The following DLC1 variants were observed in gnomAD, a reference collection of about 807,000 sequenced individuals.
DLC1 encodes DLC1 Rho GTPase activating protein.
A neutral mutation model predicts 140.3 loss-of-function variants in DLC1; 54 were observed. That is an observed-to-expected ratio of 0.38 (90% CI 0.31 to 0.48). The LOEUF (loss-of-function observed/expected upper bound fraction) is 0.48. Among genes scored for constraint, DLC1 ranks in the 20% least tolerant of loss-of-function variants. The probability of loss-of-function intolerance (pLI) is 0.96; values close to 1 mark genes in which losing one functional copy is unlikely to be tolerated. For missense variants in DLC1, 2,536 were observed against 1,907.0 expected (o/e 1.33, Z -6.14); for synonymous variants, 986 against 728.1 (o/e 1.35, Z -5.70).
intron 5 of DLC1, among the ~76,000 whole-genome samples, chr8:13,171,792 G>A (rs1195510009): frequency 6.6e-6 from 1 of 152,198 alleles, no homozygotes; most frequent in Non-Finnish European, 1.5e-5. Context: ...TATAGCTAGA[G>A]TACTTGGAGG....
chr8:13,361,249 C>A (rs373125648), intron 4 of DLC1, among the ~76,000 whole-genome samples: 17 of 151,944 alleles, frequency 1.1e-4, no homozygotes, highest in African/African-American at 4.1e-4. Context: ...CAATACAAAA[C>A]AAAACGAGAG....
intron 2 of DLC1, among the ~76,000 whole-genome samples, chr8:13,466,626 T>C (rs1799955909): frequency 6.6e-6 from 1 of 152,136 alleles, no homozygotes; most frequent in African/African-American, 2.4e-5. Flanking sequence ...ACAACCATCT[T>C]CCCTGGAGCC....
At chr8:13,355,163 T>C (rs1355559406) in intron 4 of DLC1, among the ~76,000 whole-genome samples, 1 of 126,878 alleles carries the variant, frequency 7.9e-6, no homozygotes, top group Non-Finnish European at 1.7e-5. Flanking sequence ...AAATTTTTAA[T>C]AGACTTTGTT....
At chr8:13,408,556 G>A (rs1837662100) in intron 2 of DLC1, among the ~76,000 whole-genome samples, 1 of 152,188 alleles carries the variant, frequency 6.6e-6, no homozygotes. Flanking sequence ...GAAGTGTTCA[G>A]AAGTGCAGGT....
intron 2 of DLC1, among the ~76,000 whole-genome samples, chr8:13,469,032 G>C (rs763092422): frequency 5.3e-5 from 8 of 151,702 alleles, no homozygotes; most frequent in Non-Finnish European, 1.0e-4. Flanking sequence ...TGTTGGCCAG[G>C]ATGGTCTCGA....
chr8:13,498,976 C>T (rs77284806), intron 2 of DLC1, 73 bp downstream of exon 2: 1 of 1,484,992 alleles, frequency 6.7e-7, no homozygotes, highest in Admixed American at 2.3e-5. Context: ...TTAATCCAAG[C>T]AAAATGATAA....
At chr8:13,218,705 G>T (rs913123793) in intron 5 of DLC1, among the ~76,000 whole-genome samples, 1 of 149,346 alleles carries the variant, frequency 6.7e-6, no homozygotes, top group Non-Finnish European at 1.5e-5. Context: ...TTTTGAAATA[G>T]TTTGGCAGTT....
chr8:13,515,059 T>C (rs1160431628), upstream of DLC1, among the ~76,000 whole-genome samples: 2 of 152,116 alleles, frequency 1.3e-5, no homozygotes, highest in African/African-American at 4.8e-5. Context: ...TGTAGAGTCA[T>C]AAAGTCCTAG....
intron 4 of DLC1, among the ~76,000 whole-genome samples, chr8:13,358,657 C>T (rs956904021): frequency 1.3e-5 from 2 of 151,122 alleles, no homozygotes; most frequent in Non-Finnish European, 2.9e-5. Flanking sequence ...TTCTAGTACC[C>T]TCAAAAATAT....
At chr8:13,525,611 C>T (rs372979535) in intron 1 of DLC1, among the ~76,000 whole-genome samples, 7 of 152,114 alleles carry the variant, frequency 4.6e-5, no homozygotes, top group African/African-American at 1.7e-4. Context: ...TTTTCACATG[C>T]GTATTTGTCA....
At chr8:13,439,081 C>T (rs1839245776) in intron 2 of DLC1, among the ~76,000 whole-genome samples, 1 of 152,108 alleles carries the variant, frequency 6.6e-6, no homozygotes, top group African/African-American at 2.4e-5. Flanking sequence ...AATCCCAACA[C>T]TTTGGGAGGC....
chr8:13,126,784 C>T (rs1055720105), intron 5 of DLC1, among the ~76,000 whole-genome samples: 9 of 152,228 alleles, frequency 5.9e-5, no homozygotes, highest in African/African-American at 1.7e-4. Flanking sequence ...TCTCCCGCAA[C>T]ATTGGCTTTT....
intron 4 of DLC1, among the ~76,000 whole-genome samples, chr8:13,320,857 A>T (rs1285028465): frequency 6.6e-6 from 1 of 152,138 alleles, no homozygotes; most frequent in African/African-American, 2.4e-5. Flanking sequence ...TCTACAAACA[A>T]ATTAATCAAT....
intron 1 of DLC1, chr8:13,557,922 T>C (rs1192282412): frequency 6.6e-6 from 1 of 152,168 alleles, no homozygotes. Flanking sequence ...CCAGATGATC[T>C]TTGTCTAAAG....
At chr8:13,400,389 A>G (rs1182733009) in intron 3 of DLC1, among the ~76,000 whole-genome samples, 2 of 152,232 alleles carry the variant, frequency 1.3e-5, no homozygotes, top group African/African-American at 4.8e-5. Flanking sequence ...GAGAAATTAA[A>G]TAACTTGATG....
intron 1 of DLC1, among the ~76,000 whole-genome samples, chr8:13,577,247 T>G (rs915385664): frequency 3.3e-5 from 5 of 152,164 alleles, no homozygotes; most frequent in Admixed American, 2.0e-4. Context: ...TATTAAGTAT[T>G]TTAGCTGGAC....
chr8:13,331,329 T>C (rs943189518), intron 4 of DLC1, among the ~76,000 whole-genome samples: 3 of 152,162 alleles, frequency 2.0e-5, no homozygotes, highest in African/African-American at 7.2e-5. Context: ...TCTTTTTTGC[T>C]CAGAGATCTG....
chr8:13,557,405 T>C (rs908874777), intron 1 of DLC1, among the ~76,000 whole-genome samples: 1 of 152,114 alleles, frequency 6.6e-6, no homozygotes. Flanking sequence ...GTAAAGGATG[T>C]GAGAAGAGTC....
chr8:13,527,136 G>A (rs1385980626), intron 1 of DLC1, among the ~76,000 whole-genome samples: 1 of 152,130 alleles, frequency 6.6e-6, no homozygotes, highest in African/African-American at 2.4e-5. Flanking sequence ...GATCGATTGA[G>A]TGACTGTTGT....
Sources: gnomAD v4.1 joint callset for allele counts (sites outside exome capture counted in the v4.1 genomes callset) on GRCh38, gnomAD v4.1.1 for gene constraint, MANE v1.5 for transcripts, NCBI Gene and HGNC (gene_info 2026-07-23, HGNC 2026-07-21) for gene names.